The following NID1 variants were observed in gnomAD, a reference collection of about 807,000 sequenced individuals.
The protein encoded by NID1 is nidogen-1.
Under a neutral mutation model 130.6 loss-of-function variants are expected in NID1, and 76 were observed. The observed-to-expected ratio is 0.58, with a 90% CI of 0.48 to 0.70. The LOEUF (loss-of-function observed/expected upper bound fraction) is 0.70. Ranked by LOEUF, NID1 falls within the 30% of genes least tolerant of loss-of-function variation. The probability of loss-of-function intolerance (pLI) is 0.00; values close to 1 mark genes in which losing one functional copy is unlikely to be tolerated. For synonymous variants in NID1, 665 were observed against 675.1 expected (o/e 0.98, Z 0.23); for missense variants, 1,517 against 1,664.8 (o/e 0.91, Z 1.54).
At chr1:236,012,578 A>AAAAAAAAAAG (rs1553343926) in intron 11 of NID1, among the ~76,000 whole-genome samples, 6 of 99,550 alleles carry the variant, frequency 6.0e-5, no homozygotes, top group African/African-American at 2.2e-4. Context: ...AAAAAAAAAA[A>AAAAAAAAAAG]AAAGAAAGAA....
intron 12 of NID1, among the ~76,000 whole-genome samples, chr1:235,996,649 C>A (rs1309214200): frequency 6.6e-6 from 1 of 152,060 alleles, no homozygotes; most frequent in Non-Finnish European, 1.5e-5. Context: ...CACTAGGTTG[C>A]CCAGACTGGT....
chr1:236,038,176 C>G lies in NID1; in HGVS notation c.1213G>C (p.Asp405His), dbSNP rs1379474325. ...CTGCAGCAGAAGCCCGTGGCGTAGT[C>G]CCTGCACTCTGCGTGCACCGAGCAC... ...HQCSVHAECR[D>H]YATGFCCSCV... The change falls in exon 5 of 20, where the codon GAC becomes CAC. Residue 405 changes from aspartate (D) to histidine (H), a missense_variant. Coordinates refer to ENST00000264187, the MANE Select transcript of NID1 (RefSeq NM_002508.3). 1.9e-6 allele frequency: 3 copies of G among 1,613,298 alleles called. No individual in the cohort carries two copies. The highest frequency in any genetic ancestry group is 2.7e-5 in the African/African-American group (2 of 74,940).
chr1:236,017,249 G>C lies in NID1; in HGVS notation c.2153C>G (p.Pro718Arg). ...CYDIDECSEQ[P>R]SVCGSHTICN... ...GATTGTGTGGCTCCCACACACTGAG[G>C]GTTGTTCTGAACATTCATCAATATC... The change falls in exon 10 of 20, where the codon CCC becomes CGC. Residue 718 changes from proline (P) to arginine (R), a missense_variant. By Grantham distance (103) the Pro-to-Arg change is moderately radical. Transcript: ENST00000264187. 4 of 1,614,068 alleles carry C rather than the reference G, an allele frequency of 2.5e-6. No individual in the cohort carries two copies. Among genetic ancestry groups the C allele is most frequent in the Non-Finnish European group, 3.4e-6 (4 of 1,179,992 alleles).
At chr1:236,001,561 G>C (rs1658077511) in intron 12 of NID1, among the ~76,000 whole-genome samples, 1 of 152,106 alleles carries the variant, frequency 6.6e-6, no homozygotes, top group Non-Finnish European at 1.5e-5. Flanking sequence ...TGTTCCTAGG[G>C]GCCACTAAGA....
chr1:236,025,979 G>A lies in NID1; in HGVS notation c.1901C>T (p.Ser634Leu), dbSNP rs147220938. Reference sequence around the variant, plus strand: ...GTACAGGACGAACACGCTGTCCACCGAGAGCTGCTGGGTGCTGGGCAGGGC... The same window carrying A: ...GTACAGGACGAACACGCTGTCCACCAAGAGCTGCTGGGTGCTGGGCAGGGC... ...RPALPSTQQLSVDSVFVLYNQ... is the reference protein window; with the variant it reads ...RPALPSTQQLLVDSVFVLYNQ... The change falls in exon 8 of 20, where the codon TCG (serine) becomes TTG (leucine). Residue 634 changes from serine (S) to leucine (L), a missense_variant. By Grantham distance (145) the Ser-to-Leu change is moderately radical. Coordinates refer to ENST00000264187, the MANE Select transcript of NID1 (RefSeq NM_002508.3). 5.5e-5 allele frequency: 89 copies of A among 1,613,654 alleles called. No individual in the cohort carries two copies. Among genetic ancestry groups the A allele is most frequent in the Non-Finnish European group, 6.3e-5 (74 of 1,180,004 alleles).
At chr1:236,047,754 C>A (rs1049123111) in intron 2 of NID1, among the ~76,000 whole-genome samples, 1 of 151,894 alleles carries the variant, frequency 6.6e-6, no homozygotes, top group African/African-American at 2.4e-5. Context: ...CAGCCGGGCT[C>A]GGTGGCACAC....
At chr1:236,018,852 A>G (rs1020420839) in intron 9 of NID1, among the ~76,000 whole-genome samples, 5 of 152,176 alleles carry the variant, frequency 3.3e-5, no homozygotes, top group Non-Finnish European at 7.3e-5. Context: ...GCGCTTTCAT[A>G]TGAATCGTTG....
chr1:236,058,522 G>A (rs1659952890), intron 1 of NID1, among the ~76,000 whole-genome samples: 1 of 152,230 alleles, frequency 6.6e-6, no homozygotes, highest in Non-Finnish European at 1.5e-5. Context: ...GATGGACAGA[G>A]CACCTAACTT....
At chr1:235,990,624 G>A (rs1263656539) in intron 14 of NID1, among the ~76,000 whole-genome samples, 3 of 152,216 alleles carry the variant, frequency 2.0e-5, no homozygotes, top group Non-Finnish European at 4.4e-5. Flanking sequence ...AATGCTTGTT[G>A]CTACGTCAGA....
In NID1 at chr1:235,993,667, G is replaced by A; in HGVS notation, c.2733C>T (p.Thr911=). 1 of 1,567,724 alleles carries A rather than the reference G, an allele frequency of 6.4e-7. No individual in the cohort carries two copies. Among genetic ancestry groups the A allele is most frequent in the Non-Finnish European group, 8.7e-7 (1 of 1,151,460 alleles). Reference sequence around the variant, plus strand: ...TACACGGGGGCGTCATCCCGGGCCTGGTCCTGGTGCCCTCCACCTCGCGGC... The same window carrying A: ...TACACGGGGGCGTCATCCCGGGCCTAGTCCTGGTGCCCTCCACCTCGCGGC... ...RDGREVEGTR[T]RPGMTPPCLS... is the part of the protein sequence containing the mutation. The change falls in exon 13 of 20, where the codon ACC becomes ACT. Residue 911 remains threonine, a synonymous_variant. Transcript: ENST00000264187.
rs1558424454 is a variant in NID1, at chr1:235,993,523, C to CGGGGTAAGTGAGAGGGAAGAAGGG, written c.2755+121_2755+122insCCCTTCTTCCCTCTCACTTACCCC. 64 of 893,714 alleles carry CGGGGTAAGTGAGAGGGAAGAAGGG rather than the reference C, an allele frequency of 7.2e-5. No individual in the cohort carries two copies. In the African/African-American group the frequency reaches 1.3e-3, roughly 17 times the overall value. The allele number at this position is 893,714 out of a possible 1,614,324, so 55.4% of individuals were successfully genotyped here. ...AAGGGTGCAGCAGGAGCGGGTGGGG[C>CGGGGTAAGTGAGAGGGAAGAAGGG]TGGAGCCAGTGGAACAGTTCAAGCT... On this transcript the variant is annotated intron_variant, in intron 13 of 19. Transcript: ENST00000264187.
At chr1:236,027,092 C>CA (rs1252817498) in intron 7 of NID1, among the ~76,000 whole-genome samples, 1 of 151,644 alleles carries the variant, frequency 6.6e-6, no homozygotes, top group Non-Finnish European at 1.5e-5. Context: ...CCTGCAATAC[C>CA]AAAAAAATGA....
intron 5 of NID1, among the ~76,000 whole-genome samples, chr1:236,033,177 G>A (rs1168396314): frequency 2.0e-5 from 3 of 152,224 alleles, no homozygotes; most frequent in South Asian, 4.2e-4. Flanking sequence ...GCATGATGGC[G>A]GGTGCCTGTA....
In NID1 at chr1:235,979,751, G is replaced by A; in HGVS notation, c.3509+71C>T. ...GTCAAGCCAAGAGGCCAGATGGGAA[G>A]GGCCTGGCCTCCCAGAGACAGTGGG... On this transcript the variant is annotated intron_variant, in intron 18 of 19. Transcript: ENST00000264187. This position sits in a 1 kb window ranked among gnomAD's most constrained non-coding sequence, Gnocchi z 4.6. The A allele has an allele frequency of 1.3e-6, 2 of 1,574,320 alleles. No homozygotes were observed. The highest frequency in any genetic ancestry group is 3.4e-5 in the Admixed American group (2 of 59,262).
At chr1:236,064,638 AC>A (rs1167449707) in intron 1 of NID1, 1 of 595,872 alleles carries the variant, frequency 1.7e-6, no homozygotes, top group Admixed American at 2.4e-5. Context: ...GCGCGGAGCC[AC>A]CCAGACCCCG....
At chr1:235,999,786 G>T (rs571627294) in intron 12 of NID1, among the ~76,000 whole-genome samples, 1 of 152,092 alleles carries the variant, frequency 6.6e-6, no homozygotes, top group Non-Finnish European at 1.5e-5. Flanking sequence ...TTCCAAGTCC[G>T]CCTACCATCG....
intron 12 of NID1, among the ~76,000 whole-genome samples, chr1:235,998,039 TGAC>T (rs775184944): frequency 1.3e-5 from 2 of 151,946 alleles, no homozygotes; most frequent in Non-Finnish European, 2.9e-5. Flanking sequence ...CAGTGGGAGG[TGAC>T]GAGACAAGGC....
At chr1:235,986,784 T>C (rs1402668373) in intron 14 of NID1, among the ~76,000 whole-genome samples, 2 of 152,184 alleles carry the variant, frequency 1.3e-5, no homozygotes, top group African/African-American at 4.8e-5. Flanking sequence ...TTTTAAGATA[T>C]TCACTCTCTT....
At chr1:235,978,710 C>A (rs1657344021) in intron 19 of NID1, among the ~76,000 whole-genome samples, 1 of 152,114 alleles carries the variant, frequency 6.6e-6, no homozygotes, top group African/African-American at 2.4e-5. Context: ...AGCAGAGATC[C>A]TAACATTGTA....
Sources: gnomAD v4.1 joint callset for allele counts (sites outside exome capture counted in the v4.1 genomes callset) on GRCh38, gnomAD v4.1.1 for gene constraint, Gnocchi (gnomAD v3.1) non-coding constraint, MANE v1.5 for transcripts, NCBI Gene and HGNC (gene_info 2026-07-23, HGNC 2026-07-21) for gene names.